The following IMMP2L variants were observed in gnomAD, a reference collection of about 807,000 sequenced individuals.
IMMP2L encodes inner mitochondrial membrane peptidase subunit 2.
IMMP2L carries 18 observed loss-of-function variants against 19.3 expected under a neutral mutation model. The ratio of observed to expected loss-of-function variants is 0.93; its 90% CI spans 0.64 to 1.38. The LOEUF is 1.38. Among genes scored for constraint, IMMP2L ranks in the 40% most tolerant of loss-of-function variants. IMMP2L has a pLI of 0.00. For missense variants in IMMP2L, 233 were observed against 218.2 expected (o/e 1.07, Z -0.43); for synonymous variants, 76 against 73.0 (o/e 1.04, Z -0.21).
chr7:111,051,962 G>GA (rs1793046729), intron 3 of IMMP2L, among the ~76,000 whole-genome samples: 1 of 152,152 alleles, frequency 6.6e-6, no homozygotes, highest in Non-Finnish European at 1.5e-5. Context: ...ATGGAGGAGG[G>GA]ATATGCTTAG....
At chr7:110,674,801 T>C (rs376005108) in intron 5 of IMMP2L, among the ~76,000 whole-genome samples, 4 of 152,172 alleles carry the variant, frequency 2.6e-5, no homozygotes, top group African/African-American at 9.7e-5. Context: ...GTACAAGTAC[T>C]CTACTCTCAG....
chr7:111,183,549 A>C (rs1360505083), intron 3 of IMMP2L, among the ~76,000 whole-genome samples: 2 of 152,076 alleles, frequency 1.3e-5, no homozygotes, highest in African/African-American at 4.8e-5. Context: ...CTGTCCACAG[A>C]GAGTTATAAA....
intron 3 of IMMP2L, among the ~76,000 whole-genome samples, chr7:111,188,162 T>C (rs1407160858): frequency 1.3e-5 from 2 of 152,096 alleles, no homozygotes; most frequent in Admixed American, 6.6e-5. Flanking sequence ...TGTCACAGTG[T>C]GGCTTAAGTT....
At chr7:110,956,142 T>C (rs1279430481) in intron 4 of IMMP2L, among the ~76,000 whole-genome samples, 2 of 151,974 alleles carry the variant, frequency 1.3e-5, no homozygotes, top group African/African-American at 2.4e-5. Context: ...GACAAATGGA[T>C]TTTTTTGCTA....
At position 110,945,802 on chromosome 7, in the gene IMMP2L, A is replaced by C. The variant is rs1393132426; in HGVS notation, c.305+17698T>G. ...TAGGGTGGAGGTTGTGAGCAGAATC[A>C]GACCCTTTACTTTAAAGTACCCAAA... On this transcript the variant is annotated intron_variant, in intron 4 of 5. Transcript: ENST00000405709. Among the ~76,000 whole-genome samples, 7 of 152,298 alleles carry C rather than the reference A, an allele frequency of 4.6e-5. No individual in the cohort carries two copies. The Middle Eastern group carries it at 0.017, about 370-fold the overall frequency.
rs547089965 is a variant in IMMP2L at position 111,158,133 on chromosome 7, A to G, written c.240-194568T>C. Among the ~76,000 whole-genome samples the G allele has an allele frequency of 5.3e-5, 8 of 152,058 alleles. No homozygotes were observed. The South Asian group carries it at 1.7e-3, about 31-fold the overall frequency. On this transcript the variant is annotated intron_variant, in intron 3 of 5. Coordinates refer to ENST00000405709, the MANE Select transcript of IMMP2L (RefSeq NM_032549.4). ...CTATATACAAAAATAATACTTTATT[A>G]TATTTTTATTATTCCAGAAGCAAAA...
At chr7:111,210,216 G>C (rs1322275826) in intron 3 of IMMP2L, among the ~76,000 whole-genome samples, 1 of 152,126 alleles carries the variant, frequency 6.6e-6, no homozygotes, top group African/African-American at 2.4e-5. Context: ...AGAGACCCCT[G>C]ATAGGAAGAT....
intron 3 of IMMP2L, among the ~76,000 whole-genome samples, chr7:111,299,597 C>A (rs253376): frequency 2.7e-5 from 4 of 148,332 alleles, no homozygotes; most frequent in African/African-American, 4.9e-5. Context: ...AAAAGAAATG[C>A]GTGATTATCT....
chr7:111,285,511 G>C (rs910161611), intron 3 of IMMP2L, among the ~76,000 whole-genome samples: 1 of 152,094 alleles, frequency 6.6e-6, no homozygotes, highest in Non-Finnish European at 1.5e-5. Context: ...CTAGCTTAAA[G>C]GGGAATCATT....
intron 3 of IMMP2L, among the ~76,000 whole-genome samples, chr7:111,452,131 G>T (rs892294688): frequency 2.0e-5 from 3 of 152,092 alleles, no homozygotes; most frequent in African/African-American, 7.2e-5. Context: ...TAATCAAGAT[G>T]CAGGTTTATA....
intron 3 of IMMP2L, among the ~76,000 whole-genome samples, chr7:111,218,310 T>A (rs1374796451): frequency 6.6e-6 from 1 of 152,114 alleles, no homozygotes; most frequent in Non-Finnish European, 1.5e-5. Flanking sequence ...TCAATTCTTA[T>A]AAATGTCATA....
At chr7:111,261,812 A>G (rs1371057872) in intron 3 of IMMP2L, among the ~76,000 whole-genome samples, 1 of 152,154 alleles carries the variant, frequency 6.6e-6, no homozygotes, top group South Asian at 2.1e-4. Flanking sequence ...AAATATGTAT[A>G]AGTGAGAAAG....
At chr7:111,392,001 C>T (rs1832402900) in intron 3 of IMMP2L, 1 of 702,850 alleles carries the variant, frequency 1.4e-6, no homozygotes. Flanking sequence ...TGTCTCCTTG[C>T]TTCAATGTCC....
At chr7:110,824,248 C>G (rs776067545) in intron 5 of IMMP2L, among the ~76,000 whole-genome samples, 1 of 151,908 alleles carries the variant, frequency 6.6e-6, no homozygotes, top group Non-Finnish European at 1.5e-5. Flanking sequence ...CTCCTTTCAC[C>G]CTTCTTTAGC....
chr7:111,296,774 A>G (rs1425606879), intron 3 of IMMP2L, among the ~76,000 whole-genome samples: 1 of 152,050 alleles, frequency 6.6e-6, no homozygotes, highest in African/African-American at 2.4e-5. Flanking sequence ...TCAAAAGTTA[A>G]AAACAATCCA....
At chr7:111,001,307 A>T (rs1312898261) in intron 3 of IMMP2L, among the ~76,000 whole-genome samples, 1 of 152,190 alleles carries the variant, frequency 6.6e-6, no homozygotes, top group East Asian at 1.9e-4. Context: ...ATCTTCTATG[A>T]GGGTCCCAAT....
chr7:110,931,209 T>C (rs543192538), intron 4 of IMMP2L, among the ~76,000 whole-genome samples: 5 of 152,164 alleles, frequency 3.3e-5, no homozygotes, highest in South Asian at 2.1e-4. Context: ...AATATTTCTA[T>C]GAGAACAAAG....
At chr7:110,665,457 A>G (rs1174714995) in intron 5 of IMMP2L, among the ~76,000 whole-genome samples, 1 of 152,216 alleles carries the variant, frequency 6.6e-6, no homozygotes, top group East Asian at 1.9e-4. Flanking sequence ...AATATTACTT[A>G]TTACATAGTT....
intron 5 of IMMP2L, among the ~76,000 whole-genome samples, chr7:110,827,877 A>G (rs551097567): frequency 1.5e-4 from 23 of 152,270 alleles, no homozygotes; most frequent in African/African-American, 5.5e-4. Context: ...ATCACATAAG[A>G]AACACCTCTG....
Sources: gnomAD v4.1 joint callset for allele counts (sites outside exome capture counted in the v4.1 genomes callset) on GRCh38, gnomAD v4.1.1 for gene constraint, MANE v1.5 for transcripts, NCBI Gene and HGNC (gene_info 2026-07-23, HGNC 2026-07-21) for gene names.